Variants in FASN observed in about 807,000 individuals in gnomAD.
FASN encodes the protein 3-hydroxyacyl-[acyl-carrier-protein] dehydratase.
Under a neutral mutation model 250.0 loss-of-function variants are expected in FASN, and 50 were observed. The observed-to-expected ratio is 0.20, with a 90% CI of 0.16 to 0.25. The LOEUF is 0.25. Among genes scored for constraint, FASN ranks in the 10% least tolerant of loss-of-function variants. The pLI, the probability that FASN is intolerant of heterozygous loss-of-function variation, is 1.00. For synonymous variants in FASN, 1,909 were observed against 1,584.0 expected, an observed-to-expected ratio of 1.21 and a Z score of -4.87; for missense variants, 3,031 against 3,498.5, an observed-to-expected ratio of 0.87 and a Z score of 3.37.
rs1175692236 is a variant in FASN at position 82,086,539 on chromosome 17, C to A, written c.3447G>T (p.Gln1149His). The change falls in exon 22 of 43, where the codon CAG (glutamine) becomes CAT (histidine). Residue 1149 changes from glutamine (Q) to histidine (H), a missense_variant. Coordinates refer to ENST00000306749, the MANE Select transcript of FASN (RefSeq NM_004104.5). ...TCAGCCCCTGCTGGGTCACCTTGGT[C>A]TGCAGTGCCTGCACCAGCCCTGGGG... Reference protein sequence around the residue: ...QLCKGLVQALQTKVTQQGLKM... With the variant: ...QLCKGLVQALHTKVTQQGLKM... 3.7e-6 allele frequency: 6 copies of A among 1,611,552 alleles called. No individual in the cohort carries two copies. Among genetic ancestry groups the A allele is most frequent in the Non-Finnish European group, 5.1e-6 (6 of 1,179,888 alleles).
Position 82,085,468 on chromosome 17 carries a change from C to G in FASN, c.4122+14G>C. 6.3e-7 allele frequency: 1 copy of G among 1,589,772 alleles called. No homozygotes were observed. Among genetic ancestry groups the G allele is most frequent in the Non-Finnish European group, 8.6e-7 (1 of 1,169,090 alleles). ...ACCCGGCCCCCACCCTGTCCCCCTGCCCGGCGGCCGCACCTGGCTCAGGAT... is the reference window on the plus strand; with the variant it reads ...ACCCGGCCCCCACCCTGTCCCCCTGGCCGGCGGCCGCACCTGGCTCAGGAT... On this transcript the variant is annotated intron_variant, in intron 23 of 42. Transcript: ENST00000306749.
intron 39 of FASN, 34 bp downstream of exon 39, chr17:82,080,658 T>C (rs2144779762): frequency 6.4e-7 from 1 of 1,557,282 alleles, no homozygotes; most frequent in East Asian, 2.4e-5. Flanking sequence ...TGGCCAGCAC[T>C]GACCACCGCT....
rs778901020 is a variant in FASN at position 82,096,341 on chromosome 17, G to A, written c.105C>T (p.Asp35=). The stretch of plus-strand genomic sequence containing the variant: ...TACCCGCCTTCCAGCGACGGTCATC[G>A]TCCGTGACCATGTCCACACCGCCGA... ...NLIGGVDMVT[D]DDRRWKAGLY... Residue 35 remains aspartate (D), a synonymous_variant, in exon 2 of 43, where the codon GAC becomes GAT. Transcript: ENST00000306749. The A allele has an allele frequency of 1.9e-5, 31 of 1,612,644 alleles. No individual in the cohort carries two copies. Among genetic ancestry groups the A allele is most frequent in the South Asian group, 9.9e-5 (9 of 91,092 alleles).
Position 82,079,168 on chromosome 17 carries a change from G to A in FASN, c.7511C>T (p.Pro2504Leu). The A allele has an allele frequency of 6.2e-7, 1 of 1,612,682 alleles. No homozygotes were observed. Among genetic ancestry groups the A allele is most frequent in the Non-Finnish European group, 8.5e-7 (1 of 1,179,946 alleles). The change falls in exon 43 of 43, where the codon CCA (proline) becomes CTA (leucine). Residue 2504 changes from proline (P) to leucine (L), a missense_variant. Transcript: ENST00000306749. ...CTAGCCCTCCCGCACGCTCACGCGTGGCTCAGCCAGGGAGCTGTGGATGAT... is the reference window on the plus strand; with the variant it reads ...CTAGCCCTCCCGCACGCTCACGCGTAGCTCAGCCAGGGAGCTGTGGATGAT... ...ISIIHSSLAE[P>L]RVSVREG
At chr17:82,081,128 CG>C in intron 38 of FASN, 35 bp downstream of exon 38, 1 of 1,550,326 alleles carries the variant, frequency 6.5e-7, no homozygotes. Flanking sequence ...TGGGGAGGCC[CG>C]GGGACCCCAC....
chr17:82,079,659 T>C, intron 41 of FASN, 51 bp from the exon 42 acceptor site: 1 of 1,589,694 alleles, frequency 6.3e-7, no homozygotes, highest in Non-Finnish European at 8.5e-7. Context: ...AGCACCGGCC[T>C]GCCCTGTGCT....
In FASN at chr17:82,086,498, C is replaced by A; in HGVS notation, c.3488G>T (p.Gly1163Val). The change falls in exon 22 of 43, where the codon GGA becomes GTA. Residue 1163 changes from glycine (G) to valine (V), a missense_variant. Gly to Val is a moderately radical substitution (Grantham distance 109). Coordinates refer to ENST00000306749, the MANE Select transcript of FASN (RefSeq NM_004104.5). ...CCGGGGGATCTGGGCCCCATCCAGTCCGGGCACCACCATCTTCAGCCCCTG... is the reference window on the plus strand; with the variant it reads ...CCGGGGGATCTGGGCCCCATCCAGTACGGGCACCACCATCTTCAGCCCCTG... Reference protein sequence around the residue: ...TQQGLKMVVPGLDGAQIPRDP... With the variant: ...TQQGLKMVVPVLDGAQIPRDP... 6.2e-7 allele frequency: 1 copy of A among 1,612,530 alleles called. No individual in the cohort carries two copies. Among genetic ancestry groups the A allele is most frequent in the Non-Finnish European group, 8.5e-7 (1 of 1,179,994 alleles).
rs4246445 is a variant in FASN at position 82,081,152 on chromosome 17, A to G, written c.6595+12T>C. 1,137,510 of 1,569,818 alleles carry G rather than the reference A, an allele frequency of 0.72. 416,384 individuals carry two copies. Among genetic ancestry groups the G allele is most frequent in the African/African-American group, 0.8 (59,448 of 74,344 alleles). On this transcript the variant is annotated intron_variant, in intron 38 of 42. Coordinates refer to ENST00000306749, the MANE Select transcript of FASN (RefSeq NM_004104.5). ...CCGGGGACCCCACTCCCGCCTGGCCACCCACACGCACCGCTGGCCTCATCC... is the reference window on the plus strand; with the variant it reads ...CCGGGGACCCCACTCCCGCCTGGCCGCCCACACGCACCGCTGGCCTCATCC...
Position 82,088,394 on chromosome 17 carries a change from G to A in FASN, c.2589C>T (p.Asn863=). 2 of 1,612,324 alleles carry A rather than the reference G, an allele frequency of 1.2e-6. No homozygotes were observed. Among genetic ancestry groups the A allele is most frequent in the Non-Finnish European group, 8.5e-7 (1 of 1,179,752 alleles). ...ACCCGCCGGGCCCCTGCTCACCGAT[G>A]TTGTAGATGGCGGCTGAGGGGGAAC... The part of the protein sequence containing the change: ...GSGSPSAAIY[N]IDTSSESPDH... The change falls in exon 16 of 43, where the codon AAC becomes AAT. Residue 863 remains asparagine, a synonymous_variant. Transcript: ENST00000306749.
Position 82,093,382 on chromosome 17 carries a change from G to T in FASN, c.492C>A (p.Ser164Arg). The T allele has an allele frequency of 6.2e-7, 1 of 1,604,502 alleles. No individual in the cohort carries two copies. The highest frequency in any genetic ancestry group is 2.2e-5 in the East Asian group (1 of 44,604). The change falls in exon 5 of 43, where the codon AGC (serine) becomes AGA (arginine). Residue 164 changes from serine (S) to arginine (R), a missense_variant. Ser to Arg is a moderately radical substitution (Grantham distance 110). Coordinates refer to ENST00000306749, the MANE Select transcript of FASN (RefSeq NM_004104.5). ...SIALDTACSS[S>R]LMALQNAYQA... ...GGTAGGCGTTCTGCAGGGCCATCAG[G>T]CTGGAGGAGCAGGCTGTGTCCAGTG...
Position 82,091,556 on chromosome 17 carries a change from G to A in FASN, c.1158C>T (p.Gly386=), listed in dbSNP as rs759261001. 2.5e-6 allele frequency: 4 copies of A among 1,594,738 alleles called. No homozygotes were observed. The highest frequency in any genetic ancestry group is 3.4e-6 in the Non-Finnish European group (4 of 1,172,092). ...VVDQPLPVRG[G]NVGINSFGFG... ...AGCCAAAGGAGTTGATGCCCACGTT[G>A]CCGCCACGGACGGGCAGGGGCTGGT... Residue 386 remains glycine (G), a synonymous_variant, in exon 9 of 43, where the codon GGC becomes GGT. Coordinates refer to ENST00000306749, the MANE Select transcript of FASN (RefSeq NM_004104.5).
At position 82,088,142 on chromosome 17, in the gene FASN, T is replaced by C; in HGVS notation, c.2759A>G (p.His920Arg). ...LPVVFEDVVL[H>R]QATILPKTGT... The stretch of plus-strand genomic sequence containing the variant: ...AGTCTTGGGCAGGATGGTGGCCTGG[T>C]GCAGCACCACATCCTCAAACACCAC... Residue 920 changes from histidine (H) to arginine (R), a missense_variant, in exon 17 of 43, where the codon CAC becomes CGC. His to Arg is a conservative substitution (Grantham distance 29). Coordinates refer to ENST00000306749, the MANE Select transcript of FASN (RefSeq NM_004104.5). 6.2e-7 allele frequency: 1 copy of C among 1,612,772 alleles called. No homozygotes were observed. Among genetic ancestry groups the C allele is most frequent in the Non-Finnish European group, 8.5e-7 (1 of 1,179,970 alleles).
At chr17:82,093,074 C>T (rs1379375110) in intron 5 of FASN, 55 bp from the exon 6 acceptor site, 1 of 1,605,708 alleles carries the variant, frequency 6.2e-7, no homozygotes, top group Non-Finnish European at 8.5e-7. Flanking sequence ...GCCCCCACCC[C>T]ACCAGGAGGA....
rs771605039 is a variant in FASN, at chr17:82,095,285, G to A, written c.280+35C>T. 7 of 1,609,298 alleles carry A rather than the reference G, an allele frequency of 4.3e-6. No homozygotes were observed. In the African/African-American group the frequency reaches 5.3e-5, roughly 12 times the overall value. On this transcript the variant is annotated intron_variant, in intron 3 of 42. Transcript: ENST00000306749. ...TGCCTATTCCACGTGAGCAGCAGGA[G>A]CCCTCGGCGCAGCAGTCGCGAATGC...
At position 82,079,695 on chromosome 17, in the gene FASN, T is replaced by C. The variant is rs936093832; in HGVS notation, c.7147-87A>G. The C allele has an allele frequency of 3.4e-6, 5 of 1,466,416 alleles. No homozygotes were observed. In the African/African-American group the frequency reaches 7.1e-5, roughly 21 times the overall value. The allele number at this position is 1,466,416 out of a possible 1,614,324, so 90.8% of individuals were successfully genotyped here. On this transcript the variant is annotated intron_variant, in intron 41 of 42. Coordinates refer to ENST00000306749, the MANE Select transcript of FASN (RefSeq NM_004104.5). ...ACACTGCGGGTGGGCTTTTTTTTTTTGAGACGAGTTTCATTTTTGTTACCC... is the reference window on the plus strand; with the variant it reads ...ACACTGCGGGTGGGCTTTTTTTTTTCGAGACGAGTTTCATTTTTGTTACCC...
Position 82,083,497 on chromosome 17 carries a change from C to G in FASN, c.5341+20G>C. On this transcript the variant is annotated intron_variant, in intron 31 of 42. Transcript: ENST00000306749. Reference sequence around the variant, plus strand: ...CACACCCATCCATGCCCACCCCCGCCCAGGCGCTGCCGGCCTCACCGAGCG... The same window carrying G: ...CACACCCATCCATGCCCACCCCCGCGCAGGCGCTGCCGGCCTCACCGAGCG... 1 of 1,612,800 alleles carries G rather than the reference C, an allele frequency of 6.2e-7. No homozygotes were observed. Among genetic ancestry groups the G allele is most frequent in the African/African-American group, 1.3e-5 (1 of 75,076 alleles).
rs553003051 is a variant in FASN at position 82,079,652 on chromosome 17, A to G, written c.7147-44T>C. 8.8e-6 allele frequency: 14 copies of G among 1,593,432 alleles called. No individual in the cohort carries two copies. In the African/African-American group the frequency reaches 1.6e-4, roughly 18 times the overall value. On this transcript the variant is annotated intron_variant, in intron 41 of 42. Transcript: ENST00000306749. ...AGCAGGTGCTGGCAGCACCCACAGC[A>G]CCGGCCTGCCCTGTGCTACACTGCG...
In FASN at chr17:82,079,510, C is replaced by T. The variant is rs760774213; in HGVS notation, c.7245G>A (p.Glu2415=). 8 of 1,612,170 alleles carry T rather than the reference C, an allele frequency of 5.0e-6. No homozygotes were observed. In the East Asian group the frequency reaches 8.9e-5, roughly 18 times the overall value. Residue 2415 remains glutamate, a synonymous_variant, in exon 42 of 43, where the codon GAG becomes GAA. Coordinates refer to ENST00000306749, the MANE Select transcript of FASN (RefSeq NM_004104.5). ...AGAAGGACCGGGCCGCAAAGCTCAG[C>T]TCCTGGCGGTCCAGGCCCTGGTGGC... ...IKSHQGLDRQ[E]LSFAARSFYY...
intron 3 of FASN, among the ~76,000 whole-genome samples, chr17:82,094,717 A>G (rs559500183): frequency 3.2e-4 from 48 of 152,012 alleles, no homozygotes; most frequent in African/African-American, 1.1e-3. Context: ...TGAACCCAGG[A>G]GGCAGAGCTT....
Sources: gnomAD v4.1 joint callset for allele counts (sites outside exome capture counted in the v4.1 genomes callset) on GRCh38, gnomAD v4.1.1 for gene constraint, MANE v1.5 for transcripts, NCBI Gene and HGNC (gene_info 2026-07-23, HGNC 2026-07-21) for gene names.